The following TOPAZ1 variants were observed in gnomAD, a reference collection of about 807,000 sequenced individuals.
TOPAZ1 encodes the protein testis and ovary specific TOPAZ 1, also known as protein TOPAZ1.
TOPAZ1 carries 66 observed loss-of-function variants against 172.2 expected under a neutral mutation model. The ratio of observed to expected loss-of-function variants is 0.38; its 90% confidence interval spans 0.31 to 0.47. The LOEUF (loss-of-function observed/expected upper bound fraction) is 0.47. Ranked by LOEUF, TOPAZ1 falls within the 20% of genes least tolerant of loss-of-function variation. TOPAZ1 has a pLI of 0.99. For missense variants in TOPAZ1, 1,822 were observed against 1,972.4 expected, an observed-to-expected ratio of 0.92 and a Z score of 1.44; for synonymous variants, 681 against 683.9, an observed-to-expected ratio of 1.00 and a Z score of 0.07.
intron 14 of TOPAZ1, 55 bp downstream of exon 14, chr3:44,305,376 T>C (rs1700323528): frequency 7.0e-7 from 1 of 1,421,306 alleles, no homozygotes; most frequent in Admixed American, 3.1e-5. Context: ...CAGTTTTCTT[T>C]TTTGTTTTTT....
intron 6 of TOPAZ1, 77 bp from the exon 7 acceptor site, chr3:44,269,139 T>C (rs764015584): frequency 1.2e-6 from 1 of 807,050 alleles, no homozygotes. Context: ...CAGATAGTAG[T>C]GATCATCTAT....
chr3:44,333,041 C>T (rs1365711306), downstream of TOPAZ1, among the ~76,000 whole-genome samples: 1 of 147,272 alleles, frequency 6.8e-6, no homozygotes, highest in East Asian at 2.0e-4. Flanking sequence ...CCAGGCTGGT[C>T]TCAAACTTCT....
intron 7 of TOPAZ1, 133 bp from the exon 8 acceptor site, chr3:44,270,552 A>T: frequency 1.9e-6 from 1 of 520,544 alleles, no homozygotes; most frequent in Non-Finnish European, 3.1e-6. Context: ...ATTTTTTCTT[A>T]TTAAATTAGC....
chr3:44,245,702 A>C (rs780290844), intron 2 of TOPAZ1, among the ~76,000 whole-genome samples: 18 of 151,788 alleles, frequency 1.2e-4, no homozygotes, highest in Non-Finnish European at 2.2e-4. Context: ...ATGCCCGGCT[A>C]ATTTGTTTTT....
intron 15 of TOPAZ1, among the ~76,000 whole-genome samples, chr3:44,309,323 C>T (rs532022962): frequency 6.6e-6 from 1 of 152,310 alleles, no homozygotes; most frequent in African/African-American, 2.4e-5. Flanking sequence ...TTTCACCACA[C>T]TCCCCAGGCT....
intron 8 of TOPAZ1, among the ~76,000 whole-genome samples, chr3:44,280,941 G>T (rs1221879026): frequency 6.6e-6 from 1 of 152,178 alleles, no homozygotes; most frequent in Non-Finnish European, 1.5e-5. Flanking sequence ...AGCTACTTAG[G>T]ACTGAGGAAT....
At chr3:44,245,863 G>C (rs1699559304) in intron 2 of TOPAZ1, among the ~76,000 whole-genome samples, 1 of 152,164 alleles carries the variant, frequency 6.6e-6, no homozygotes, top group Non-Finnish European at 1.5e-5. Flanking sequence ...TTAAGTGATG[G>C]AGATTGCTTC....
chr3:44,329,359 G>C (rs6441833), intron 19 of TOPAZ1, among the ~76,000 whole-genome samples: 129,750 of 152,116 alleles, frequency 0.85, 55,378 homozygotes, highest in Middle Eastern at 0.91. Context: ...GGATCCTTTT[G>C]CTAGATGGCT....
chr3:44,260,748 T>C (rs1699766430), intron 4 of TOPAZ1, among the ~76,000 whole-genome samples: 1 of 152,132 alleles, frequency 6.6e-6, no homozygotes, highest in Non-Finnish European at 1.5e-5. Context: ...ATTTATATAT[T>C]TGATTTGTTT....
chr3:44,262,345 C>T (rs1416172021), intron 4 of TOPAZ1, 74 bp from the exon 5 acceptor site: 2 of 651,552 alleles, frequency 3.1e-6, no homozygotes, highest in African/African-American at 3.8e-5. Flanking sequence ...TATAATAAAT[C>T]CAGTAAGCCT....
At chr3:44,310,174 G>T (rs1289230278) in intron 16 of TOPAZ1, among the ~76,000 whole-genome samples, 184 bp downstream of exon 16, 1 of 152,182 alleles carries the variant, frequency 6.6e-6, no homozygotes, top group Admixed American at 6.6e-5. Flanking sequence ...CCTTAAAGAA[G>T]AAATTATATA....
chr3:44,280,845 A>G (rs1241686527), intron 8 of TOPAZ1, among the ~76,000 whole-genome samples: 1 of 152,170 alleles, frequency 6.6e-6, no homozygotes, highest in Admixed American at 6.5e-5. Context: ...GGGATTTTCC[A>G]TTGGGCCCCA....
chr3:44,307,452 T>C (rs888452956), intron 15 of TOPAZ1, among the ~76,000 whole-genome samples: 1 of 152,126 alleles, frequency 6.6e-6, no homozygotes, highest in Non-Finnish European at 1.5e-5. Context: ...TAGCTTACCA[T>C]AGAGATGGTT....
At position 44,262,501 on chromosome 3, in the gene TOPAZ1, T is replaced by A; in HGVS notation, c.3020+18T>A. The A allele has an allele frequency of 8.0e-7, 1 of 1,251,480 alleles. No homozygotes were observed. Among genetic ancestry groups the A allele is most frequent in the Non-Finnish European group, 1.1e-6 (1 of 889,524 alleles). 77.5% of individuals were successfully genotyped at this position (1,251,480 alleles called of 1,614,324 possible). A position where few individuals can be genotyped will look rare whatever the true frequency, so the allele number is the denominator to read the frequency against. On this transcript the variant is annotated intron_variant, in intron 5 of 19. Transcript: ENST00000309765. ...TGCAAAAGGTCTGTAACATAATTCT[T>A]AATTACATAACTTAAAATAGTCACT...
At chr3:44,245,907 T>A (rs1488689678) in intron 2 of TOPAZ1, among the ~76,000 whole-genome samples, 5 of 152,228 alleles carry the variant, frequency 3.3e-5, no homozygotes, top group Non-Finnish European at 7.3e-5. Flanking sequence ...AAATGTTCTT[T>A]AATTATTATA....
At chr3:44,251,120 CT>C (rs1048446200) in intron 2 of TOPAZ1, among the ~76,000 whole-genome samples, 15 of 147,846 alleles carry the variant, frequency 1.0e-4, no homozygotes, top group Admixed American at 2.0e-4. Flanking sequence ...TTTTTTCTCT[CT>C]TTTTTTTTTC....
rs991626891 is a variant in TOPAZ1 at position 44,318,653 on chromosome 3, T to G, written c.4307-2374T>G. ...TGTTATTCTGAGGGTCCTAGGGAAA[T>G]CCAGCCATTCAGAAGCCTGAGATAT... On this transcript the variant is annotated intron_variant, in intron 16 of 19. Coordinates refer to ENST00000309765, the MANE Select transcript of TOPAZ1 (RefSeq NM_001145030.2). Among the ~76,000 whole-genome samples the G allele has an allele frequency of 2.0e-5, 3 of 151,432 alleles. No individual in the cohort carries two copies. In the South Asian group the frequency reaches 6.2e-4, roughly 31 times the overall value.
chr3:44,287,049 A>G (rs926464614), intron 9 of TOPAZ1, among the ~76,000 whole-genome samples: 2 of 152,232 alleles, frequency 1.3e-5, no homozygotes, highest in African/African-American at 4.8e-5. Flanking sequence ...ATAACCTTGC[A>G]TATGTACCAA....
intron 8 of TOPAZ1, among the ~76,000 whole-genome samples, chr3:44,281,083 T>C (rs1575719306): frequency 6.6e-6 from 1 of 152,130 alleles, no homozygotes; most frequent in South Asian, 2.1e-4. Context: ...GCAGCCGGAG[T>C]GTGGACCACT....
Sources: gnomAD v4.1 joint callset for allele counts (sites outside exome capture counted in the v4.1 genomes callset) on GRCh38, gnomAD v4.1.1 for gene constraint, MANE v1.5 for transcripts, NCBI Gene and HGNC (gene_info 2026-07-23, HGNC 2026-07-21) for gene names.